Variants in PHYH observed in about 807,000 individuals in gnomAD.
The protein encoded by PHYH is phytanoyl-CoA dioxygenase, peroxisomal.
Under a neutral mutation model 38.5 loss-of-function variants are expected in PHYH, and 32 were observed. The observed-to-expected ratio is 0.83, with a 90% confidence interval of 0.63 to 1.12. The LOEUF (loss-of-function observed/expected upper bound fraction) is 1.12, where lower values mean the gene tolerates loss of function less well. PHYH is among the 50% of genes most tolerant of loss of function. The pLI, the probability that PHYH is intolerant of heterozygous loss-of-function variation, is 0.00. For synonymous variants in PHYH, 166 were observed against 157.9 expected (o/e 1.05, Z -0.38); for missense variants, 426 against 434.8 (o/e 0.98, Z 0.18).
chr10:13,300,013 C>T lies in PHYH; in HGVS notation c.30G>A (p.Leu10=). 6.5e-7 allele frequency: 1 copy of T among 1,532,888 alleles called. No individual in the cohort carries two copies. Among genetic ancestry groups the T allele is most frequent in the Non-Finnish European group, 8.7e-7 (1 of 1,144,680 alleles). 95.0% of individuals were successfully genotyped at this position (1,532,888 alleles called of 1,614,324 possible). A position where few individuals can be genotyped will look rare whatever the true frequency, so the allele number is the denominator to read the frequency against. ...GGCCGAGGTGGCCCAGAACAATCTG[C>T]AGACGGGCGGCGGCGCGAAGCTGCT... The part of the protein sequence containing the change: MEQLRAAAR[L]QIVLGHLGRP... Residue 10 remains leucine (L), a synonymous_variant, in exon 1 of 9, where the codon CTG becomes CTA. Transcript: ENST00000263038.
At chr10:13,293,872 T>C (rs757717304) in intron 4 of PHYH, among the ~76,000 whole-genome samples, 49 of 152,210 alleles carry the variant, frequency 3.2e-4, no homozygotes, top group Non-Finnish European at 5.0e-4. Flanking sequence ...CCTAAAATCA[T>C]GGCATAGACC....
At chr10:13,298,758 A>ACTACTACTACTACTACTG (rs1832648041) in intron 1 of PHYH, among the ~76,000 whole-genome samples, 1 of 97,858 alleles carries the variant, frequency 1.0e-5, no homozygotes, top group African/African-American at 3.3e-5. Flanking sequence ...TACTACTACT[A>ACTACTACTACTACTACTG]CTACTGCTAC....
At chr10:13,291,731 G>A (rs1332831228) in intron 5 of PHYH, 100 bp downstream of exon 5, 23 of 778,042 alleles carry the variant, frequency 3.0e-5, no homozygotes, top group Non-Finnish European at 4.5e-5. Flanking sequence ...TTCCTCCCTT[G>A]GTCTCCTAAA....
At chr10:13,292,103 C>T (rs1051465447) in intron 4 of PHYH, among the ~76,000 whole-genome samples, 191 bp from the exon 5 acceptor site, 1 of 152,118 alleles carries the variant, frequency 6.6e-6, no homozygotes, top group African/African-American at 2.4e-5. Context: ...ATCTATAACA[C>T]GGAATGAAAT....
At chr10:13,288,620 T>G in intron 5 of PHYH, 79 bp from the exon 6 acceptor site, 1 of 1,393,978 alleles carries the variant, frequency 7.2e-7, no homozygotes, top group Non-Finnish European at 1.0e-6. Context: ...CACTTTGGGA[T>G]ATAAAAATAT....
intron 8 of PHYH, 86 bp from the exon 9 acceptor site, chr10:13,278,440 G>C (rs1835340791): frequency 3.3e-6 from 3 of 909,476 alleles, no homozygotes; most frequent in Non-Finnish European, 5.5e-6. Flanking sequence ...ACACAAAATT[G>C]ATTTCTAGCT....
At chr10:13,286,521 T>C (rs772686885) in intron 6 of PHYH, among the ~76,000 whole-genome samples, 2 of 151,818 alleles carry the variant, frequency 1.3e-5, no homozygotes, top group African/African-American at 2.4e-5. Context: ...GCCAACATAG[T>C]GAAAACTCGT....
At position 13,299,362 on chromosome 10, in the gene PHYH, T is replaced by C. The variant is rs1024036582; in HGVS notation, c.75+606A>G. The C allele has an allele frequency of 6.1e-5, 54 of 884,708 alleles. No individual in the cohort carries two copies. In the African/African-American group the frequency reaches 8.9e-4, roughly 15 times the overall value. The allele number at this position is 884,708 out of a possible 1,614,324, so 54.8% of individuals were successfully genotyped here. A position where few individuals can be genotyped will look rare whatever the true frequency, so the allele number is the denominator to read the frequency against. On this transcript the variant is annotated intron_variant, in intron 1 of 8. Coordinates refer to ENST00000263038, the MANE Select transcript of PHYH (RefSeq NM_006214.4). ...CACTGTAACCCTGGACTCCTGGCCT[T>C]GGCCCCCAGAAGAGCCGAGACAACA...
intron 5 of PHYH, among the ~76,000 whole-genome samples, chr10:13,288,922 CAAAAAAAAA>C (rs36019637): frequency 3.7e-3 from 150 of 40,928 alleles, no homozygotes; most frequent in Non-Finnish European, 4.7e-3. Context: ...CACCCCCAAC[CAAAAAAAAA>C]AAAAAAAAAA....
At chr10:13,294,819 T>G (rs2131652746) in intron 3 of PHYH, 1 of 561,494 alleles carries the variant, frequency 1.8e-6, no homozygotes, top group East Asian at 3.1e-5. Context: ...AGTAGGGAAG[T>G]CTTTTTATAA....
At chr10:13,286,699 CAAAA>C (rs33995270) in intron 6 of PHYH, among the ~76,000 whole-genome samples, 7 of 116,746 alleles carry the variant, frequency 6.0e-5, no homozygotes, top group Admixed American at 9.4e-5. Flanking sequence ...GACTCTGTCT[CAAAA>C]AAAAAAAAAA....
chr10:13,278,141 G>T lies in PHYH; in HGVS notation c.*160C>A. 1.5e-6 allele frequency: 1 copy of T among 666,686 alleles called. No individual in the cohort carries two copies. Among genetic ancestry groups the T allele is most frequent in the Non-Finnish European group, 2.8e-6 (1 of 361,970 alleles). The allele number at this position is 666,686 out of a possible 1,614,324, so 41.3% of individuals were successfully genotyped here. A position where few individuals can be genotyped will look rare whatever the true frequency, so the allele number is the denominator to read the frequency against. Reference sequence around the variant, plus strand: ...TTTTTTCCATTAAAGCAACACCATTGTGCTGCAAAACTAACTCTATGCAAT... The same window carrying T: ...TTTTTTCCATTAAAGCAACACCATTTTGCTGCAAAACTAACTCTATGCAAT... On this transcript the variant is annotated 3_prime_UTR_variant, in exon 9 of 9. Transcript: ENST00000263038.
intron 6 of PHYH, among the ~76,000 whole-genome samples, chr10:13,285,414 C>A (rs562371498): frequency 3.3e-5 from 5 of 152,004 alleles, no homozygotes; most frequent in Non-Finnish European, 5.9e-5. Context: ...AAACTCCTGA[C>A]CTCAAGTGAT....
intron 8 of PHYH, 130 bp from the exon 9 acceptor site, chr10:13,278,484 G>T (rs1835341878): frequency 6.9e-6 from 5 of 721,346 alleles, no homozygotes; most frequent in Admixed American, 2.1e-5. Context: ...AATAATCCCT[G>T]TAAGTTATAT....
At chr10:13,297,842 C>G (rs2131660420) in intron 2 of PHYH, among the ~76,000 whole-genome samples, 1 of 151,470 alleles carries the variant, frequency 6.6e-6, no homozygotes, top group Non-Finnish European at 1.5e-5. Context: ...AGGCTGCAAT[C>G]CCAGCACTTT....
intron 6 of PHYH, among the ~76,000 whole-genome samples, chr10:13,285,837 C>T (rs549678080): frequency 1.1e-4 from 16 of 152,110 alleles, no homozygotes; most frequent in South Asian, 2.1e-4. Context: ...CTCCTGACCT[C>T]AAGTGATCCG....
chr10:13,298,093 A>T, intron 2 of PHYH, 94 bp downstream of exon 2: 1 of 778,880 alleles, frequency 1.3e-6, no homozygotes, highest in Middle Eastern at 3.3e-4. Context: ...ATAAAATTCT[A>T]ATCAGGTAAC....
chr10:13,283,902 T>C, intron 6 of PHYH, 63 bp from the exon 7 acceptor site: 1 of 1,355,532 alleles, frequency 7.4e-7, no homozygotes, highest in East Asian at 2.3e-5. Flanking sequence ...ACATTGTCAA[T>C]GGTTCATCAG....
chr10:13,298,767 A>ACTACTACTACTACTACTACTACTG (rs1554785644), intron 1 of PHYH, among the ~76,000 whole-genome samples: 2 of 113,538 alleles, frequency 1.8e-5, no homozygotes, highest in East Asian at 3.2e-4. Flanking sequence ...TACTACTGCT[A>ACTACTACTACTACTACTACTACTG]CTACTACTAC....
Sources: gnomAD v4.1 joint callset for allele counts (sites outside exome capture counted in the v4.1 genomes callset) on GRCh38, gnomAD v4.1.1 for gene constraint, MANE v1.5 for transcripts, NCBI Gene and HGNC (gene_info 2026-07-23, HGNC 2026-07-21) for gene names.